Variants in CYTH1 observed in about 807,000 individuals in gnomAD.
The protein encoded by CYTH1 is cytohesin-1.
A neutral mutation model predicts 61.8 loss-of-function variants in CYTH1; 18 were observed. That is an observed-to-expected ratio of 0.29 (90% confidence interval 0.20 to 0.43). CYTH1 has a LOEUF of 0.43. Ranked by LOEUF, CYTH1 falls within the 20% of genes least tolerant of loss-of-function variation. The pLI is 1.00. For missense variants in CYTH1, 336 were observed against 510.5 expected, an observed-to-expected ratio of 0.66 and a Z score of 3.29; for synonymous variants, 174 against 184.3, an observed-to-expected ratio of 0.94 and a Z score of 0.45.
intron 10 of CYTH1, among the ~76,000 whole-genome samples, chr17:78,693,109 G>A (rs568354833): frequency 2.0e-5 from 3 of 152,116 alleles, no homozygotes; most frequent in Admixed American, 6.5e-5. Context: ...AAAATCTCCC[G>A]GGTCCTGGGT....
intron 11 of CYTH1, among the ~76,000 whole-genome samples, chr17:78,690,259 G>A (rs2092865607): frequency 1.3e-5 from 2 of 151,308 alleles, no homozygotes; most frequent in Admixed American, 1.3e-4. Context: ...GCTGGGCGTG[G>A]CAGCAGCGCC....
intron 1 of CYTH1, among the ~76,000 whole-genome samples, chr17:78,762,802 G>C (rs1480878201): frequency 6.6e-6 from 1 of 152,184 alleles, no homozygotes; most frequent in Non-Finnish European, 1.5e-5. Flanking sequence ...AGGAGTGTGG[G>C]CAGCCTTTAG....
chr17:78,763,170 C>T (rs555939439), intron 1 of CYTH1, among the ~76,000 whole-genome samples: 2 of 152,040 alleles, frequency 1.3e-5, no homozygotes, highest in Non-Finnish European at 2.9e-5. Flanking sequence ...GTGGTAAAAC[C>T]CTGTCTCTAC....
chr17:78,759,906 C>T (rs915396802), intron 1 of CYTH1, among the ~76,000 whole-genome samples: 1 of 152,186 alleles, frequency 6.6e-6, no homozygotes, highest in African/African-American at 2.4e-5. Flanking sequence ...TGAGTTTCCA[C>T]ACCTGGGGTC....
intron 1 of CYTH1, among the ~76,000 whole-genome samples, chr17:78,759,074 G>A (rs909531067): frequency 2.0e-5 from 3 of 152,184 alleles, no homozygotes; most frequent in Non-Finnish European, 4.4e-5. Context: ...CTGCACTCCA[G>A]CCTGGTCAAC....
At chr17:78,763,556 T>C (rs2093436933) in intron 1 of CYTH1, among the ~76,000 whole-genome samples, 1 of 152,092 alleles carries the variant, frequency 6.6e-6, no homozygotes, top group African/African-American at 2.4e-5. Flanking sequence ...ATAAAATTTA[T>C]AAAGTAGGCA....
At chr17:78,780,288 T>C (rs772641921) in intron 1 of CYTH1, among the ~76,000 whole-genome samples, 1 of 151,538 alleles carries the variant, frequency 6.6e-6, no homozygotes, top group Admixed American at 6.6e-5. Context: ...GAGGCCAAGA[T>C]AGGAACTGGA....
chr17:78,768,788 G>T (rs1279352785), intron 1 of CYTH1, among the ~76,000 whole-genome samples: 2 of 152,038 alleles, frequency 1.3e-5, no homozygotes, highest in Non-Finnish European at 2.9e-5. Context: ...AGAATGCTCT[G>T]CTTCTCCCTC....
At chr17:78,716,217 G>A (rs1444821841) in intron 1 of CYTH1, among the ~76,000 whole-genome samples, 6 of 152,168 alleles carry the variant, frequency 3.9e-5, no homozygotes, top group African/African-American at 1.4e-4. Context: ...CCCACTAGAA[G>A]ACCTAAAAGC....
intron 1 of CYTH1, among the ~76,000 whole-genome samples, chr17:78,778,859 T>C (rs2093504593): frequency 1.3e-5 from 2 of 152,304 alleles, no homozygotes; most frequent in African/African-American, 2.4e-5. Context: ...TCATGTTATA[T>C]GCTTTATGAA....
intron 5 of CYTH1, 128 bp from the exon 6 acceptor site, chr17:78,701,879 G>A: frequency 1.2e-5 from 11 of 923,196 alleles, no homozygotes; most frequent in Non-Finnish European, 1.7e-5. Context: ...ACAGCCACTT[G>A]TGCACACTGT....
At chr17:78,746,291 A>T (rs2093359184) in intron 1 of CYTH1, among the ~76,000 whole-genome samples, 1 of 150,570 alleles carries the variant, frequency 6.6e-6, no homozygotes. Context: ...CTTCTTCCTC[A>T]ACTCCTCCAA....
intron 3 of CYTH1, among the ~76,000 whole-genome samples, chr17:78,706,006 T>C (rs999579140): frequency 6.6e-6 from 1 of 152,246 alleles, no homozygotes; most frequent in African/African-American, 2.4e-5. Flanking sequence ...ATATGAATCC[T>C]GATTATCTCT....
At chr17:78,712,955 T>C (rs956476421) in intron 1 of CYTH1, among the ~76,000 whole-genome samples, 1 of 151,894 alleles carries the variant, frequency 6.6e-6, no homozygotes, top group African/African-American at 2.4e-5. Flanking sequence ...TCCAGTCCCA[T>C]TCCTGTGTCA....
In CYTH1 at chr17:78,770,248, G is replaced by A. The variant is rs571618645; in HGVS notation, c.22+11954C>T. ...CTGAGGCAGAATAATTGCTTGACCC[G>A]GGAGGTGGAGGATGCAGTGAGTCGA... On this transcript the variant is annotated intron_variant, in intron 1 of 13. Coordinates refer to ENST00000446868, the MANE Select transcript of CYTH1 (RefSeq NM_004762.6). Among the ~76,000 whole-genome samples the A allele has an allele frequency of 1.9e-4, 28 of 150,596 alleles. No homozygotes were observed. In the East Asian group the frequency reaches 2.8e-3, roughly 15 times the overall value.
chr17:78,762,085 AT>A (rs2093431228), intron 1 of CYTH1, among the ~76,000 whole-genome samples: 1 of 152,252 alleles, frequency 6.6e-6, no homozygotes, highest in South Asian at 2.1e-4. Flanking sequence ...ATCTTCTAGA[AT>A]AATAAACTTC....
chr17:78,770,006 T>A (rs1456558664), intron 1 of CYTH1, among the ~76,000 whole-genome samples: 4 of 151,890 alleles, frequency 2.6e-5, no homozygotes, highest in Non-Finnish European at 5.9e-5. Context: ...AAAACTGAGC[T>A]GGGCATGGTG....
chr17:78,680,447 A>G (rs1388163952), intron 12 of CYTH1, 103 bp from the exon 13 acceptor site: 2 of 1,246,590 alleles, frequency 1.6e-6, no homozygotes, highest in African/African-American at 1.5e-5. Flanking sequence ...GACCTTCACA[A>G]AATACAAGGA....
intron 1 of CYTH1, among the ~76,000 whole-genome samples, chr17:78,729,505 G>T (rs963792977): frequency 6.6e-6 from 1 of 152,164 alleles, no homozygotes; most frequent in African/African-American, 2.4e-5. Flanking sequence ...TACTGTCAGG[G>T]GAGTGGGCTA....
Sources: gnomAD v4.1 joint callset for allele counts (sites outside exome capture counted in the v4.1 genomes callset) on GRCh38, gnomAD v4.1.1 for gene constraint, MANE v1.5 for transcripts, NCBI Gene and HGNC (gene_info 2026-07-23, HGNC 2026-07-21) for gene names.